The following RIT2 variants were observed in gnomAD, a reference collection of about 807,000 sequenced individuals.
RIT2 encodes GTP-binding protein Rit2.
RIT2 carries 24 observed loss-of-function variants against 23.7 expected under a neutral mutation model. That is an observed-to-expected ratio of 1.01 (90% CI 0.73 to 1.43). RIT2 has a LOEUF of 1.43. Among genes scored for constraint, RIT2 ranks in the 40% most tolerant of loss-of-function variants. The pLI, the probability that RIT2 is intolerant of heterozygous loss-of-function variation, is 0.00. For missense variants in RIT2, 236 were observed against 266.9 expected, an observed-to-expected ratio of 0.88 and a Z score of 0.81; for synonymous variants, 107 against 91.1, an observed-to-expected ratio of 1.17 and a Z score of -0.99.
intron 3 of RIT2, among the ~76,000 whole-genome samples, chr18:42,938,269 A>G (rs1356700296): frequency 6.6e-6 from 1 of 152,196 alleles, no homozygotes; most frequent in Non-Finnish European, 1.5e-5. Flanking sequence ...CTTTCAAGGA[A>G]TGGATGCAGA....
At chr18:43,041,449 T>A (rs1912126290) in intron 1 of RIT2, among the ~76,000 whole-genome samples, 1 of 152,160 alleles carries the variant, frequency 6.6e-6, no homozygotes, top group Admixed American at 6.5e-5. Context: ...TGTTAGGAAG[T>A]ACCTGATGGA....
intron 4 of RIT2, among the ~76,000 whole-genome samples, chr18:42,859,775 A>T (rs1598687183): frequency 6.8e-6 from 1 of 147,376 alleles, no homozygotes; most frequent in South Asian, 2.1e-4. Flanking sequence ...GTTCAAGTTA[A>T]TTTTTTTTTT....
chr18:43,034,973 C>T (rs1911941801), intron 1 of RIT2, among the ~76,000 whole-genome samples: 1 of 152,162 alleles, frequency 6.6e-6, no homozygotes, highest in Non-Finnish European at 1.5e-5. Context: ...GGAATTGAGC[C>T]CAGTTCTATA....
intron 4 of RIT2, among the ~76,000 whole-genome samples, chr18:42,785,899 TAC>T (rs1474142741): frequency 6.6e-6 from 1 of 152,326 alleles, no homozygotes; most frequent in South Asian, 2.1e-4. Flanking sequence ...CATGAATCTG[TAC>T]ACAGTTTATC....
chr18:42,988,048 A>G (rs1910754552), intron 2 of RIT2, among the ~76,000 whole-genome samples: 1 of 152,186 alleles, frequency 6.6e-6, no homozygotes, highest in Non-Finnish European at 1.5e-5. Flanking sequence ...TATACAAATT[A>G]TATCACCAGA....
At chr18:42,760,528 A>G (rs1396536929) in intron 4 of RIT2, among the ~76,000 whole-genome samples, 2 of 152,178 alleles carry the variant, frequency 1.3e-5, no homozygotes, top group Admixed American at 1.3e-4. Flanking sequence ...CTGAGAACAT[A>G]GTCTGTGTTA....
intron 3 of RIT2, among the ~76,000 whole-genome samples, chr18:42,930,512 C>G (rs1909300821): frequency 6.6e-6 from 1 of 151,986 alleles, no homozygotes; most frequent in African/African-American, 2.4e-5. Context: ...ATCAGAGACA[C>G]ATTGATACCA....
intron 4 of RIT2, among the ~76,000 whole-genome samples, chr18:42,801,886 G>A (rs575711329): frequency 1.3e-5 from 2 of 152,138 alleles, no homozygotes; most frequent in South Asian, 2.1e-4. Context: ...ATGTTTCTGC[G>A]GTTTGTTGAA....
intron 4 of RIT2, among the ~76,000 whole-genome samples, chr18:42,870,937 A>G (rs1019130296): frequency 1.3e-5 from 2 of 152,156 alleles, no homozygotes; most frequent in Non-Finnish European, 2.9e-5. Context: ...TGAATATTTC[A>G]CTTTTGGAGG....
intron 4 of RIT2, among the ~76,000 whole-genome samples, chr18:42,847,532 G>T (rs679891): frequency 0.24 from 37,116 of 151,938 alleles, 5,666 homozygotes; most frequent in African/African-American, 0.42. Flanking sequence ...TGTAGGTAGT[G>T]CATTTAATAA....
At chr18:42,940,683 T>C (rs518023) in intron 3 of RIT2, among the ~76,000 whole-genome samples, 85,045 of 151,972 alleles carry the variant, frequency 0.56, 27,960 homozygotes, top group East Asian at 0.91. Flanking sequence ...TTTTATTTTT[T>C]AAAAAGAATA....
chr18:42,843,266 A>G (rs1906816924), intron 4 of RIT2, among the ~76,000 whole-genome samples: 2 of 152,168 alleles, frequency 1.3e-5, no homozygotes, highest in Non-Finnish European at 2.9e-5. Flanking sequence ...AATTCCATAT[A>G]TTAATGAGTA....
intron 4 of RIT2, among the ~76,000 whole-genome samples, chr18:42,825,625 C>A (rs1335956865): frequency 6.6e-6 from 1 of 151,704 alleles, no homozygotes; most frequent in East Asian, 1.9e-4. Context: ...CAAATCAATT[C>A]TAATAATATA....
chr18:42,750,622 C>A (rs1913024102), intron 4 of RIT2, among the ~76,000 whole-genome samples: 1 of 151,624 alleles, frequency 6.6e-6, no homozygotes, highest in Non-Finnish European at 1.5e-5. Context: ...TGCTTTGTCA[C>A]AAAAAGTGAG....
intron 1 of RIT2, among the ~76,000 whole-genome samples, chr18:43,074,550 C>T (rs1318085323): frequency 6.6e-6 from 1 of 152,086 alleles, no homozygotes; most frequent in African/African-American, 2.4e-5. Flanking sequence ...TGTGCATTAC[C>T]CCTTATTTTT....
chr18:42,945,764 C>T (rs1909714615), intron 3 of RIT2, among the ~76,000 whole-genome samples: 1 of 152,046 alleles, frequency 6.6e-6, no homozygotes, highest in African/African-American at 2.4e-5. Context: ...TCTGTGAAGG[C>T]TTTTATTTAC....
At chr18:42,862,694 T>A (rs1375676127) in intron 4 of RIT2, among the ~76,000 whole-genome samples, 1 of 152,224 alleles carries the variant, frequency 6.6e-6, no homozygotes, top group African/African-American at 2.4e-5. Flanking sequence ...TAATGTATTT[T>A]ATTGTGTGCT....
At chr18:42,894,808 T>C (rs984711467) in intron 4 of RIT2, among the ~76,000 whole-genome samples, 1 of 152,236 alleles carries the variant, frequency 6.6e-6, no homozygotes, top group South Asian at 2.1e-4. Context: ...AGATATACTT[T>C]TGAATAATTT....
At chr18:42,903,176 T>C (rs1323772272) in intron 4 of RIT2, among the ~76,000 whole-genome samples, 1 of 152,016 alleles carries the variant, frequency 6.6e-6, no homozygotes, top group African/African-American at 2.4e-5. Context: ...CACACTAAGG[T>C]GCGATATGTT....
Sources: allele counts gnomAD v4.1 joint callset (sites outside exome capture counted in the v4.1 genomes callset), GRCh38; gene constraint gnomAD v4.1.1; transcripts MANE v1.5; gene names NCBI Gene and HGNC (gene_info 2026-07-23, HGNC 2026-07-21).